The following VAV1 variants were observed in gnomAD, a reference collection of about 807,000 sequenced individuals.
The protein encoded by VAV1 is vav guanine nucleotide exchange factor 1.
In VAV1, 33 loss-of-function variants were observed where a neutral mutation model predicts 128.1. The observed-to-expected ratio is 0.26, with a 90% confidence interval of 0.20 to 0.34. The LOEUF (loss-of-function observed/expected upper bound fraction) is 0.34, where lower values mean the gene tolerates loss of function less well. Ranked by LOEUF, VAV1 falls within the 10% of genes least tolerant of loss-of-function variation. The pLI, the probability that VAV1 is intolerant of heterozygous loss-of-function variation, is 1.00. For synonymous variants in VAV1, 394 were observed against 409.8 expected, an observed-to-expected ratio of 0.96 and a Z score of 0.47; for missense variants, 715 against 1,093.7, an observed-to-expected ratio of 0.65 and a Z score of 4.88.
At chr19:6,855,846 C>T (rs528042271) in intron 26 of VAV1, among the ~76,000 whole-genome samples, 211 of 146,824 alleles carry the variant, frequency 1.4e-3, no homozygotes, top group African/African-American at 5.3e-3. Context: ...TCTATCTATC[C>T]ATTCATTATC....
intron 1 of VAV1, among the ~76,000 whole-genome samples, chr19:6,773,370 T>C (rs1427893828): frequency 1.3e-5 from 2 of 152,064 alleles, no homozygotes; most frequent in South Asian, 2.1e-4. Flanking sequence ...AGGGTGGCCA[T>C]TGGGTTACCT....
rs1020692437 is a variant in VAV1, at chr19:6,833,023, C to T, written c.1509-161C>T. 9.9e-5 allele frequency among the ~76,000 whole-genome samples: 15 copies of T among 152,088 alleles called. No individual in the cohort carries two copies. The East Asian group carries it at 1.2e-3, about 12-fold the overall frequency. ...CTTTCTCCCAATGTGCATGGCAGCACGATTCAGTGTGGCCAAAGGGTGAAA... is the reference window on the plus strand; with the variant it reads ...CTTTCTCCCAATGTGCATGGCAGCATGATTCAGTGTGGCCAAAGGGTGAAA... On this transcript the variant is annotated intron_variant, in intron 15 of 26. Transcript: ENST00000602142.
intron 15 of VAV1, 37 bp from the exon 16 acceptor site, chr19:6,833,147 C>A (rs1004660012): frequency 2.8e-6 from 4 of 1,430,344 alleles, no homozygotes; most frequent in Non-Finnish European, 3.9e-6. Context: ...AAAATACTGA[C>A]CTTCTTTTTT....
intron 26 of VAV1, among the ~76,000 whole-genome samples, chr19:6,855,760 TTCCAA>T (rs1279314134): frequency 6.6e-6 from 1 of 152,096 alleles, no homozygotes; most frequent in African/African-American, 2.4e-5. Flanking sequence ...CCACTCACCC[TTCCAA>T]TCACCATTCA....
rs1165693239 is a variant in VAV1 at position 6,817,894 on chromosome 19, G to A, written c.205-2808G>A. 3.9e-5 allele frequency among the ~76,000 whole-genome samples: 6 copies of A among 152,224 alleles called. No homozygotes were observed. In the East Asian group the frequency reaches 1.2e-3, roughly 29 times the overall value. On this transcript the variant is annotated intron_variant, in intron 1 of 26. Transcript: ENST00000602142. ...GTAGAGACGGGATTTCACCGTGTTA[G>A]CCAGGATGGTCTCGATCTCCTGACC... is the stretch of plus-strand genomic sequence containing the variant.
In VAV1 at chr19:6,850,714, G is replaced by A; in HGVS notation, c.2174G>A (p.Gly725Glu). The A allele has an allele frequency of 6.2e-7, 1 of 1,614,016 alleles. No individual in the cohort carries two copies. Among genetic ancestry groups the A allele is most frequent in the Non-Finnish European group, 8.5e-7 (1 of 1,179,986 alleles). ...VKHIKIMTAE[G>E]LYRITEKKAF... ...CACATTAAAATCATGACAGCAGAAG[G>A]ACTGTACCGGATCACAGAGAAAAAG... Residue 725 changes from glycine to glutamate, a missense_variant, in exon 24 of 27, where the codon GGA becomes GAA. Physicochemically the swap from Gly to Glu is moderately conservative, Grantham distance 98. This residue lies in a region of VAV1 where 407 missense variants were observed against 580.6 expected (regional missense o/e 0.70). Coordinates refer to ENST00000602142, the MANE Select transcript of VAV1 (RefSeq NM_005428.4).
chr19:6,828,436 G>T lies in VAV1; in HGVS notation c.1041G>T (p.Thr347=). The T allele has an allele frequency of 1.2e-5, 19 of 1,614,186 alleles. No homozygotes were observed. The highest frequency in any genetic ancestry group is 1.6e-5 in the Non-Finnish European group (19 of 1,180,048). The change falls in exon 11 of 27, where the codon ACG becomes ACT. Residue 347 remains threonine, a synonymous_variant. Coordinates refer to ENST00000602142, the MANE Select transcript of VAV1 (RefSeq NM_005428.4). The surrounding 1 kb of genome is among the most constrained non-coding windows in gnomAD (Gnocchi z 4.5). ...TCTCTCAGGAGCTGGTGAAACACAC[G>T]CAGGAGGCGATGGAGAAGGAGAACC... is the stretch of plus-strand genomic sequence containing the variant. The part of the protein sequence containing the change: ...HLLLQELVKH[T]QEAMEKENLR...
At chr19:6,797,661 C>T (rs1254260562) in intron 1 of VAV1, among the ~76,000 whole-genome samples, 2 of 150,974 alleles carry the variant, frequency 1.3e-5, no homozygotes, top group Non-Finnish European at 2.9e-5. Context: ...CGAGATCGTG[C>T]CATTGCACTC....
At chr19:6,812,253 T>A (rs1234261004) in intron 1 of VAV1, among the ~76,000 whole-genome samples, 1 of 152,182 alleles carries the variant, frequency 6.6e-6, no homozygotes, top group Non-Finnish European at 1.5e-5. Context: ...GCAGTAACAC[T>A]CAGTTTGATT....
At chr19:6,778,703 G>C (rs1169119081) in intron 1 of VAV1, among the ~76,000 whole-genome samples, 1 of 152,018 alleles carries the variant, frequency 6.6e-6, no homozygotes, top group African/African-American at 2.4e-5. Flanking sequence ...TCCAGCCTGG[G>C]CAACAGAGAG....
intron 1 of VAV1, among the ~76,000 whole-genome samples, chr19:6,816,017 A>T (rs1327210358): frequency 4.5e-5 from 6 of 133,774 alleles, no homozygotes; most frequent in African/African-American, 1.5e-4. Context: ...GTCTCTACAA[A>T]TTTTTTTTTT....
chr19:6,822,401 C>A lies in VAV1; in HGVS notation c.559-18C>A. ...CAGCCCCAGGCCCCCCAACACCGGC[C>A]TCTCCCCTCGCTCTCAGCCCAAGAT... is the stretch of plus-strand genomic sequence containing the variant. On this transcript the variant is annotated intron_variant, in intron 5 of 26. Coordinates refer to ENST00000602142, the MANE Select transcript of VAV1 (RefSeq NM_005428.4). This position sits in a 1 kb window ranked among gnomAD's most constrained non-coding sequence, Gnocchi z 5.9. 6.4e-7 allele frequency: 1 copy of A among 1,555,074 alleles called. No individual in the cohort carries two copies. Among genetic ancestry groups the A allele is most frequent in the Non-Finnish European group, 8.7e-7 (1 of 1,150,818 alleles).
chr19:6,817,082 C>G (rs1316363043), intron 1 of VAV1, among the ~76,000 whole-genome samples: 2 of 151,704 alleles, frequency 1.3e-5, no homozygotes, highest in Non-Finnish European at 2.9e-5. Flanking sequence ...GAATCTCACT[C>G]TTGTTGCCCA....
At chr19:6,849,533 G>T (rs190180787) in intron 23 of VAV1, among the ~76,000 whole-genome samples, 2 of 151,366 alleles carry the variant, frequency 1.3e-5, no homozygotes, top group Non-Finnish European at 2.9e-5. Context: ...GGCTGGTCTC[G>T]AACTCCTGAC....
intron 22 of VAV1, among the ~76,000 whole-genome samples, chr19:6,845,034 A>T (rs1972483900): frequency 6.6e-6 from 1 of 152,148 alleles, no homozygotes; most frequent in South Asian, 2.1e-4. Context: ...CATTCATTAA[A>T]AAAAGATGTT....
chr19:6,827,777 C>CA (rs1971954826), intron 9 of VAV1, among the ~76,000 whole-genome samples: 2 of 79,520 alleles, frequency 2.5e-5, no homozygotes, highest in Admixed American at 1.2e-4. Flanking sequence ...TTTTTTTTTT[C>CA]ATAGCAGAGA....
intron 1 of VAV1, among the ~76,000 whole-genome samples, chr19:6,780,926 T>C (rs1260949904): frequency 6.7e-6 from 1 of 150,316 alleles, no homozygotes; most frequent in African/African-American, 2.4e-5. Flanking sequence ...ATCTTTCTTT[T>C]GAGACAGAGT....
In VAV1 at chr19:6,832,132, G is replaced by C. The variant is rs1181183503; in HGVS notation, c.1440G>C (p.Gln480His). Reference protein sequence around the residue: ...MFLLIEDQGAQGYELFFKTRE... With the variant: ...MFLLIEDQGAHGYELFFKTRE... The stretch of plus-strand genomic sequence containing the variant: ...TCCTGATCGAGGACCAAGGTGCCCA[G>C]GGCTATGAGCTGTTCTTCAAGACAA... Residue 480 changes from glutamine (Q) to histidine (H), a missense_variant, in exon 15 of 27, where the codon CAG becomes CAC. Transcript: ENST00000602142. 4.3e-6 allele frequency: 7 copies of C among 1,614,162 alleles called. No homozygotes were observed. The highest frequency in any genetic ancestry group is 1.3e-5 in the African/African-American group (1 of 75,048).
chr19:6,781,218 T>C (rs371038557), intron 1 of VAV1, among the ~76,000 whole-genome samples: 3 of 152,340 alleles, frequency 2.0e-5, no homozygotes, highest in African/African-American at 7.2e-5. Context: ...CTCGTGTTTT[T>C]ATTTTTCAAA....
Sources: allele counts gnomAD v4.1 joint callset (sites outside exome capture counted in the v4.1 genomes callset), GRCh38; gene constraint gnomAD v4.1.1; regional missense constraint gnomAD v4.1.1; non-coding constraint Gnocchi (gnomAD v3.1); transcripts MANE v1.5; gene names NCBI Gene and HGNC (gene_info 2026-07-23, HGNC 2026-07-21).